The following RAPGEF4 variants were observed in gnomAD, a reference collection of about 807,000 sequenced individuals.
The protein encoded by RAPGEF4 is RAP guanine-nucleotide-exchange factor (GEF) 4.
A neutral mutation model predicts 147.9 loss-of-function variants in RAPGEF4; 66 were observed. That is an observed-to-expected ratio of 0.45 (90% CI 0.37 to 0.55). The LOEUF (loss-of-function observed/expected upper bound fraction) is 0.55. Ranked by LOEUF, RAPGEF4 falls within the 20% of genes least tolerant of loss-of-function variation. The pLI, the probability that RAPGEF4 is intolerant of heterozygous loss-of-function variation, is 0.00. For synonymous variants in RAPGEF4, 419 were observed against 442.7 expected (o/e 0.95, Z 0.67); for missense variants, 1,071 against 1,257.3 (o/e 0.85, Z 2.24).
chr2:172,771,868 A>G (rs910921107), intron 1 of RAPGEF4, among the ~76,000 whole-genome samples: 1 of 152,264 alleles, frequency 6.6e-6, no homozygotes, highest in African/African-American at 2.4e-5. Flanking sequence ...CAGCTAAATA[A>G]AAGCCCACAT....
chr2:172,827,830 G>A (rs1689840810), intron 4 of RAPGEF4, among the ~76,000 whole-genome samples: 1 of 152,216 alleles, frequency 6.6e-6, no homozygotes, highest in Admixed American at 6.5e-5. Context: ...CATAGACAGA[G>A]CAGGGGTTCA....
At chr2:172,741,147 C>G (rs114608485) in intron 1 of RAPGEF4, among the ~76,000 whole-genome samples, 1 of 152,220 alleles carries the variant, frequency 6.6e-6, no homozygotes, top group Non-Finnish European at 1.5e-5. Context: ...TCCAGGACAG[C>G]GTGGCTGCCA....
In RAPGEF4 at chr2:172,735,856, A is replaced by T. The variant is rs1693689978; in HGVS notation, c.-128A>T. 2 of 759,800 alleles carry T rather than the reference A, an allele frequency of 2.6e-6. No homozygotes were observed. Among genetic ancestry groups the T allele is most frequent in the East Asian group, 4.7e-5 (1 of 21,404 alleles). 47.1% of individuals were successfully genotyped at this position (759,800 alleles called of 1,614,324 possible). ...CCCGCGGGGAGGGCGGGCCTGTCGCAGCCGCGCTGGTCGCCAGGCGTCCGG... is the reference window on the plus strand; with the variant it reads ...CCCGCGGGGAGGGCGGGCCTGTCGCTGCCGCGCTGGTCGCCAGGCGTCCGG... On this transcript the variant is annotated 5_prime_UTR_variant, in exon 1 of 31. Transcript: ENST00000397081.
At chr2:172,824,323 A>T (rs1390865929) in intron 4 of RAPGEF4, among the ~76,000 whole-genome samples, 6 of 152,224 alleles carry the variant, frequency 3.9e-5, no homozygotes, top group Non-Finnish European at 8.8e-5. Flanking sequence ...AGCTCCTCAG[A>T]TGAGTCTCTG....
At chr2:172,831,215 G>A (rs970362481) in intron 4 of RAPGEF4, among the ~76,000 whole-genome samples, 2 of 135,860 alleles carry the variant, frequency 1.5e-5, no homozygotes, top group African/African-American at 5.4e-5. Context: ...ACCGTCTGAT[G>A]TTTTAAATCT....
Position 172,967,356 on chromosome 2 carries a change from A to G in RAPGEF4, c.916A>G (p.Lys306Glu), listed in dbSNP as rs1414646795. The G allele has an allele frequency of 1.9e-6, 3 of 1,612,080 alleles. No homozygotes were observed. The highest frequency in any genetic ancestry group is 2.2e-5 in the East Asian group (1 of 44,864). Residue 306 changes from lysine (K) to glutamate (E), a missense_variant, in exon 10 of 31, where the codon AAG becomes GAG. Lys to Glu is a moderately conservative substitution (Grantham distance 56). Transcript: ENST00000397081. ...DAPLPTEEEK[K>E]ECDEELQDTM... ...CCCTTTGCCTACTGAGGAGGAGAAG[A>G]AGGAGTGTGATGAGGAGCTCCAGGA...
intron 3 of RAPGEF4, among the ~76,000 whole-genome samples, chr2:172,810,569 T>C (rs1687929126): frequency 6.6e-6 from 1 of 152,134 alleles, no homozygotes; most frequent in Admixed American, 6.5e-5. Context: ...CTGGATCAGA[T>C]TGGAGGAAAA....
At chr2:172,793,067 A>G (rs754066640) in intron 1 of RAPGEF4, among the ~76,000 whole-genome samples, 5 of 152,168 alleles carry the variant, frequency 3.3e-5, no homozygotes, top group Admixed American at 6.5e-5. Flanking sequence ...TCTAGGGAAC[A>G]ATCCTTCTTG....
chr2:172,871,671 A>G lies in RAPGEF4; in HGVS notation c.445-46131A>G, dbSNP rs74265811. ...TGAAGGTAATTCTAAAAGAGTTACA[A>G]CAGTATTTTGAGATGACAGCATTAT... On this transcript the variant is annotated intron_variant, in intron 4 of 30. Transcript: ENST00000397081. Among the ~76,000 whole-genome samples, 95 of 151,526 alleles carry G rather than the reference A, an allele frequency of 6.3e-4. 2 individuals carry two copies. In the East Asian group the frequency reaches 0.016, roughly 25 times the overall value.
intron 10 of RAPGEF4, among the ~76,000 whole-genome samples, chr2:172,973,217 G>GTGC (rs1253695186): frequency 6.6e-6 from 1 of 151,380 alleles, no homozygotes; most frequent in African/African-American, 2.4e-5. Context: ...AGCTCAAGTG[G>GTGC]TGCTCCCACC....
intron 1 of RAPGEF4, among the ~76,000 whole-genome samples, chr2:172,794,347 CAAAAAAAA>C (rs59850502): frequency 2.0e-5 from 2 of 101,942 alleles, no homozygotes; most frequent in South Asian, 3.3e-4. Flanking sequence ...AACTCCATCT[CAAAAAAAA>C]AAAAAAAAAA....
intron 4 of RAPGEF4, among the ~76,000 whole-genome samples, chr2:172,820,239 T>C (rs1688939192): frequency 6.6e-6 from 1 of 152,214 alleles, no homozygotes; most frequent in South Asian, 2.1e-4. Context: ...GAAAGATGCT[T>C]CTGAGAGGCC....
chr2:172,767,400 A>G (rs952892802), intron 1 of RAPGEF4, among the ~76,000 whole-genome samples: 1 of 152,110 alleles, frequency 6.6e-6, no homozygotes, highest in Non-Finnish European at 1.5e-5. Flanking sequence ...GCTGGTCTCG[A>G]ACTCCTGACC....
chr2:173,020,693 C>T lies in RAPGEF4; in HGVS notation c.2231C>T (p.Pro744Leu), dbSNP rs768801695. 6.8e-6 allele frequency: 11 copies of T among 1,613,600 alleles called. No homozygotes were observed. Among genetic ancestry groups the T allele is most frequent in the Middle Eastern group, 1.7e-4 (1 of 6,060 alleles). Residue 744 changes from proline to leucine, a missense_variant, in exon 23 of 31, where the codon CCG (proline) becomes CTG (leucine). Physicochemically the swap from Pro to Leu is moderately conservative, Grantham distance 98. Transcript: ENST00000397081. ...LTINGRLFAC[P>L]REQFDSLTPL... ...ATTAATGGACGCCTGTTTGCTTGCC[C>T]GCGAGAGCAATTCGATTCACTGGTA... is the stretch of plus-strand genomic sequence containing the variant.
chr2:172,747,149 T>G (rs2149432966), intron 1 of RAPGEF4, among the ~76,000 whole-genome samples: 1 of 152,348 alleles, frequency 6.6e-6, no homozygotes, highest in South Asian at 2.1e-4. Context: ...TTCCCTTGTG[T>G]TTGGGGCAGC....
At chr2:172,874,782 C>T (rs1336454483) in intron 4 of RAPGEF4, among the ~76,000 whole-genome samples, 1 of 152,206 alleles carries the variant, frequency 6.6e-6, no homozygotes, top group Non-Finnish European at 1.5e-5. Context: ...ATGGCTGGGT[C>T]AAATGGTATT....
Position 173,051,880 on chromosome 2 carries a change from AAC to A in RAPGEF4, c.*117_*118del. On this transcript the variant is annotated 3_prime_UTR_variant, in exon 31 of 31. Coordinates refer to ENST00000397081, the MANE Select transcript of RAPGEF4 (RefSeq NM_007023.4). ...TAGAGAATTCTACAAAACAAGCAAA[AAC>A]ACATCCTGAGACACCTCAGGGCTGC... 7.6e-7 allele frequency: 1 copy of A among 1,318,112 alleles called. No homozygotes were observed. Among genetic ancestry groups the A allele is most frequent in the Non-Finnish European group, 1.1e-6 (1 of 947,420 alleles). 81.7% of individuals were successfully genotyped at this position (1,318,112 alleles called of 1,614,324 possible).
At chr2:172,862,599 G>A (rs964728984) in intron 4 of RAPGEF4, among the ~76,000 whole-genome samples, 1 of 151,980 alleles carries the variant, frequency 6.6e-6, no homozygotes, top group Non-Finnish European at 1.5e-5. Context: ...ATATGATAAC[G>A]GCAAGTCTGT....
intron 4 of RAPGEF4, among the ~76,000 whole-genome samples, chr2:172,842,559 C>T (rs1691732403): frequency 6.6e-6 from 1 of 152,184 alleles, no homozygotes; most frequent in Non-Finnish European, 1.5e-5. Context: ...CCCAAAGGAT[C>T]GCTCCTGGCA....
Sources: gnomAD v4.1 joint callset for allele counts (sites outside exome capture counted in the v4.1 genomes callset) on GRCh38, gnomAD v4.1.1 for gene constraint, MANE v1.5 for transcripts, NCBI Gene and HGNC (gene_info 2026-07-23, HGNC 2026-07-21) for gene names.